The following IL1RAPL2 variants were observed in gnomAD, a reference collection of about 807,000 sequenced individuals.
IL1RAPL2 encodes the protein interleukin 1 receptor accessory protein like 2.
Under a neutral mutation model 44.1 loss-of-function variants are expected in IL1RAPL2, and 3 were observed. The observed-to-expected ratio is 0.07, with a 90% CI of 0.03 to 0.18. IL1RAPL2 has a LOEUF of 0.18. Ranked by LOEUF, IL1RAPL2 falls within the 10% of genes least tolerant of loss-of-function variation. IL1RAPL2 has a pLI of 1.00. For synonymous variants in IL1RAPL2, 181 were observed against 178.8 expected, an observed-to-expected ratio of 1.01 and a Z score of -0.10; for missense variants, 391 against 496.4, an observed-to-expected ratio of 0.79 and a Z score of 2.02.
At chrX:105,309,023 TA>T (rs2034774061) in intron 5 of IL1RAPL2, among the ~76,000 whole-genome samples, 1 of 110,641 alleles carries the variant, frequency 9.0e-6, no homozygotes, top group Non-Finnish European at 1.9e-5. Context: ...TTAATTTAAT[TA>T]AATTAATTAA....
intron 1 of IL1RAPL2, among the ~76,000 whole-genome samples, chrX:104,614,199 C>A (rs1032612847): frequency 9.0e-6 from 1 of 110,671 alleles, no homozygotes; most frequent in Non-Finnish European, 1.9e-5. Flanking sequence ...TCCTTCAGTT[C>A]GTCTCTGGTT....
rs997496557 is a variant in IL1RAPL2, at chrX:105,363,293, TATATATATATATATA to T, written c.697+95768_697+95782del. 4.7e-3 allele frequency among the ~76,000 whole-genome samples: 366 copies of T among 77,421 alleles called. 2 individuals are homozygous for T. The highest frequency in any genetic ancestry group is 0.032 in the African/African-American group (341 of 10,663). The allele number at this position is 77,421 out of a possible 115,157, so 67.2% of individuals were successfully genotyped here. ...TATATGTGTGTATATATATATAATA[TATATATATATATATA>T]ATATATATATATATATATATATTCT... On this transcript the variant is annotated intron_variant, in intron 5 of 10. Transcript: ENST00000372582.
chrX:105,075,753 A>T lies in IL1RAPL2; in HGVS notation c.83-119722A>T, dbSNP rs757686693. Among the ~76,000 whole-genome samples the T allele has an allele frequency of 2.4e-3, 265 of 109,897 alleles. 2 individuals carry two copies. In the East Asian group the frequency reaches 0.032, roughly 13 times the overall value. ...TTGGTCTATTCAGAGATTCAACTTCATCCTGGTTTAGTCTTGGGAGAGTGT... is the reference window on the plus strand; with the variant it reads ...TTGGTCTATTCAGAGATTCAACTTCTTCCTGGTTTAGTCTTGGGAGAGTGT... On this transcript the variant is annotated intron_variant, in intron 2 of 10. Coordinates refer to ENST00000372582, the MANE Select transcript of IL1RAPL2 (RefSeq NM_017416.2).
intron 2 of IL1RAPL2, among the ~76,000 whole-genome samples, chrX:104,950,662 G>T (rs745480603): frequency 5.4e-4 from 60 of 111,892 alleles, no homozygotes; most frequent in Admixed American, 3.7e-3. Context: ...GGTGCAGGAT[G>T]TAATCTCCTG....
chrX:105,168,158 T>C, intron 2 of IL1RAPL2, among the ~76,000 whole-genome samples: 1 of 112,094 alleles, frequency 8.9e-6, no homozygotes, highest in East Asian at 2.8e-4. Flanking sequence ...GCCCTTGGGA[T>C]AGCCAGACAG....
intron 3 of IL1RAPL2, among the ~76,000 whole-genome samples, chrX:105,227,059 T>C (rs1191225385): frequency 1.4e-5 from 1 of 73,005 alleles, no homozygotes; most frequent in Non-Finnish European, 2.4e-5. Flanking sequence ...CATCACACTC[T>C]GGGGACTGTT....
intron 2 of IL1RAPL2, among the ~76,000 whole-genome samples, chrX:105,009,199 C>T (rs1203313172): frequency 2.7e-5 from 3 of 111,473 alleles, no homozygotes; most frequent in Non-Finnish European, 5.7e-5. Context: ...GACGATTCCT[C>T]AATGATCTAG....
rs766124001 is a variant in IL1RAPL2, at chrX:104,885,904, G to T, written c.82+226909G>T. On this transcript the variant is annotated intron_variant, in intron 2 of 10. Transcript: ENST00000372582. ...CTGCCCCAGAGTGCAATGGTTCTCT[G>T]GGCTGGAAGCCCCCAACCAGATGAT... 5.3e-5 allele frequency among the ~76,000 whole-genome samples: 6 copies of T among 113,290 alleles called. No individual in the cohort carries two copies. The South Asian group carries it at 2.2e-3, about 41-fold the overall frequency.
chrX:105,755,152 C>G, intron 9 of IL1RAPL2, 25 bp from the exon 10 acceptor site: 1 of 1,097,436 alleles, frequency 9.1e-7, no homozygotes, highest in Non-Finnish European at 1.2e-6. Context: ...TAGTTACAAC[C>G]CTTTTGTTGT....
At chrX:104,681,978 G>A (rs1194220909) in intron 2 of IL1RAPL2, among the ~76,000 whole-genome samples, 1 of 112,364 alleles carries the variant, frequency 8.9e-6, no homozygotes, top group Non-Finnish European at 1.9e-5. Context: ...CATCTGGGAG[G>A]CCAAAACTGA....
At chrX:104,930,459 T>C (rs995205162) in intron 2 of IL1RAPL2, among the ~76,000 whole-genome samples, 2 of 111,647 alleles carry the variant, frequency 1.8e-5, no homozygotes, top group Non-Finnish European at 3.8e-5. Flanking sequence ...GAGTGCTCAC[T>C]ATGTGATAGG....
At chrX:104,626,708 G>T (rs1929513214) in intron 1 of IL1RAPL2, among the ~76,000 whole-genome samples, 1 of 110,794 alleles carries the variant, frequency 9.0e-6, no homozygotes, top group African/African-American at 3.3e-5. Flanking sequence ...AATTGCAGAT[G>T]ACATATCAGT....
At chrX:104,898,750 C>A (rs1178934693) in intron 2 of IL1RAPL2, among the ~76,000 whole-genome samples, 2 of 112,392 alleles carry the variant, frequency 1.8e-5, no homozygotes, top group African/African-American at 6.5e-5. Flanking sequence ...AATCTCTGAG[C>A]TGAACATTTT....
At chrX:105,075,979 T>C (rs1025647212) in intron 2 of IL1RAPL2, among the ~76,000 whole-genome samples, 7 of 111,754 alleles carry the variant, frequency 6.3e-5, no homozygotes, top group African/African-American at 9.8e-5. Flanking sequence ...TTTGTTGATC[T>C]TTTCAAAAAA....
At chrX:105,441,507 C>T (rs1024481374) in intron 5 of IL1RAPL2, among the ~76,000 whole-genome samples, 3 of 111,545 alleles carry the variant, frequency 2.7e-5, no homozygotes, top group Non-Finnish European at 3.8e-5. Flanking sequence ...TGTATAATGA[C>T]GTATTTACCT....
chrX:104,706,907 C>T lies in IL1RAPL2; in HGVS notation c.82+47912C>T, dbSNP rs184666715. Among the ~76,000 whole-genome samples the T allele has an allele frequency of 2.8e-3, 309 of 111,573 alleles. 1 individual carries two copies. Among genetic ancestry groups the T allele is most frequent in the African/African-American group, 9.4e-3 (289 of 30,832 alleles). On this transcript the variant is annotated intron_variant, in intron 2 of 10. Transcript: ENST00000372582. ...TTCATATATATTGGTGCAGATATGACATTATTAACAAACCTGTACATGTAC... is the reference window on the plus strand; with the variant it reads ...TTCATATATATTGGTGCAGATATGATATTATTAACAAACCTGTACATGTAC...
At chrX:104,591,146 C>G (rs1292371360) in intron 1 of IL1RAPL2, among the ~76,000 whole-genome samples, 2 of 111,602 alleles carry the variant, frequency 1.8e-5, no homozygotes, top group African/African-American at 6.5e-5. Flanking sequence ...TTTTTTCCTT[C>G]TCTGCTTTAT....
intron 2 of IL1RAPL2, among the ~76,000 whole-genome samples, chrX:105,164,151 T>C (rs1486304864): frequency 1.8e-5 from 2 of 111,244 alleles, no homozygotes; most frequent in Non-Finnish European, 3.8e-5. Flanking sequence ...GATTCTGAGC[T>C]GACAGCAGAT....
At chrX:105,546,134 A>G (rs779543339) in intron 6 of IL1RAPL2, among the ~76,000 whole-genome samples, 127 of 111,299 alleles carry the variant, frequency 1.1e-3, no homozygotes, top group African/African-American at 4.0e-3. Context: ...CCCTAATAAA[A>G]TTTATGCCTT....
Sources: allele counts gnomAD v4.1 joint callset (sites outside exome capture counted in the v4.1 genomes callset), GRCh38; gene constraint gnomAD v4.1.1; transcripts MANE v1.5; gene names NCBI Gene and HGNC (gene_info 2026-07-23, HGNC 2026-07-21).